The following CNTNAP2 variants were observed in gnomAD, a reference collection of about 807,000 sequenced individuals.
The protein encoded by CNTNAP2 is contactin associated protein 2.
In CNTNAP2, 98 loss-of-function variants were observed where a neutral mutation model predicts 155.2. The observed-to-expected ratio is 0.63, with a 90% CI of 0.54 to 0.75. The LOEUF (loss-of-function observed/expected upper bound fraction) is 0.75. CNTNAP2 is among the 30% of genes least tolerant of loss of function. CNTNAP2 has a pLI of 0.00. For missense variants in CNTNAP2, 1,727 were observed against 1,688.1 expected (o/e 1.02, Z -0.40); for synonymous variants, 651 against 631.2 (o/e 1.03, Z -0.47).
At chr7:148,175,234 T>C (rs1017454252) in intron 18 of CNTNAP2, among the ~76,000 whole-genome samples, 1 of 152,172 alleles carries the variant, frequency 6.6e-6, no homozygotes, top group African/African-American at 2.4e-5. Context: ...ATGTTTCTTA[T>C]TTTGTTTTTG....
At chr7:147,109,306 A>T (rs2129279801) in intron 5 of CNTNAP2, among the ~76,000 whole-genome samples, 1 of 152,270 alleles carries the variant, frequency 6.6e-6, no homozygotes, top group South Asian at 2.1e-4. Flanking sequence ...GATGGGTTGG[A>T]TATAGCCTAA....
At chr7:146,529,355 A>T (rs550415170) in intron 1 of CNTNAP2, among the ~76,000 whole-genome samples, 2 of 152,188 alleles carry the variant, frequency 1.3e-5, no homozygotes, top group South Asian at 4.1e-4. Context: ...AATGGTCAGT[A>T]TATAACTTCA....
At chr7:146,771,766 T>C (rs563188091) in intron 1 of CNTNAP2, among the ~76,000 whole-genome samples, 12 of 152,306 alleles carry the variant, frequency 7.9e-5, no homozygotes, top group Middle Eastern at 3.4e-3. Flanking sequence ...TCCAGTATCA[T>C]TGGGGACTTA....
intron 3 of CNTNAP2, among the ~76,000 whole-genome samples, chr7:146,869,775 C>A (rs1795270385): frequency 6.6e-6 from 1 of 152,098 alleles, no homozygotes; most frequent in South Asian, 2.1e-4. Context: ...AGCAAGTCAG[C>A]TTCTTCCACC....
At chr7:147,359,062 T>G (rs1356590758) in intron 9 of CNTNAP2, among the ~76,000 whole-genome samples, 1 of 152,184 alleles carries the variant, frequency 6.6e-6, no homozygotes, top group East Asian at 1.9e-4. Flanking sequence ...TAGAAACCTA[T>G]GCTTTAGTTA....
chr7:148,046,709 G>C (rs958376958), intron 15 of CNTNAP2, among the ~76,000 whole-genome samples: 5 of 152,150 alleles, frequency 3.3e-5, no homozygotes, highest in African/African-American at 1.2e-4. Flanking sequence ...GCTTCAACAT[G>C]AATGCATTTA....
At chr7:147,490,887 G>A (rs1798597146) in intron 11 of CNTNAP2, among the ~76,000 whole-genome samples, 1 of 152,134 alleles carries the variant, frequency 6.6e-6, no homozygotes, top group Non-Finnish European at 1.5e-5. Flanking sequence ...GGTGGCAGGA[G>A]AGAGAATTGC....
At chr7:147,285,599 A>G (rs1467997057) in intron 8 of CNTNAP2, among the ~76,000 whole-genome samples, 1 of 152,018 alleles carries the variant, frequency 6.6e-6, no homozygotes, top group Non-Finnish European at 1.5e-5. Context: ...CTTTTTAAAA[A>G]TACTTTTTGC....
At chr7:146,389,360 T>G (rs549686310) in intron 1 of CNTNAP2, among the ~76,000 whole-genome samples, 6 of 152,188 alleles carry the variant, frequency 3.9e-5, no homozygotes, top group Admixed American at 1.3e-4. Context: ...TCTGGAAAAT[T>G]TTATTAATTT....
At chr7:146,564,548 G>T (rs1798328185) in intron 1 of CNTNAP2, among the ~76,000 whole-genome samples, 1 of 147,990 alleles carries the variant, frequency 6.8e-6, no homozygotes, top group African/African-American at 2.5e-5. Context: ...AATGTAGTTT[G>T]CAAATAAATA....
intron 8 of CNTNAP2, among the ~76,000 whole-genome samples, chr7:147,297,716 A>G (rs1794859614): frequency 6.6e-6 from 1 of 152,204 alleles, no homozygotes; most frequent in African/African-American, 2.4e-5. Context: ...TCTCAGTTAT[A>G]CATTTATAAA....
chr7:146,950,981 C>A (rs1173111056), intron 3 of CNTNAP2, among the ~76,000 whole-genome samples: 1 of 152,138 alleles, frequency 6.6e-6, no homozygotes, highest in East Asian at 1.9e-4. Flanking sequence ...TTAATAATCA[C>A]CTTTCTAACT....
At chr7:148,174,482 T>G (rs1165693838) in intron 18 of CNTNAP2, among the ~76,000 whole-genome samples, 4 of 152,236 alleles carry the variant, frequency 2.6e-5, no homozygotes, top group African/African-American at 4.8e-5. Flanking sequence ...GCTTTGGCAT[T>G]GGCCGAAGAA....
At position 146,605,278 on chromosome 7, in the gene CNTNAP2, C is replaced by A. The variant is rs548389597; in HGVS notation, c.98-168993C>A. Among the ~76,000 whole-genome samples the A allele has an allele frequency of 1.3e-5, 2 of 151,078 alleles. 1 individual carries two copies. Among genetic ancestry groups the A allele is most frequent in the South Asian group, 4.2e-4 (2 of 4,756 alleles). ...CATTTTGTGTATTATTGTACTTGTT[C>A]CATATCTCATATTATCAGATGATTG... On this transcript the variant is annotated intron_variant, in intron 1 of 23. Coordinates refer to ENST00000361727, the MANE Select transcript of CNTNAP2 (RefSeq NM_014141.6).
chr7:146,641,481 G>A (rs1799707128), intron 1 of CNTNAP2, among the ~76,000 whole-genome samples: 1 of 152,142 alleles, frequency 6.6e-6, no homozygotes, highest in South Asian at 2.1e-4. Flanking sequence ...AGAAGTAGCT[G>A]GACAGTTAAT....
chr7:147,276,840 A>C (rs941254411), intron 8 of CNTNAP2, among the ~76,000 whole-genome samples: 2 of 151,888 alleles, frequency 1.3e-5, no homozygotes, highest in African/African-American at 4.8e-5. Context: ...CAAAAAAAAA[A>C]CTGCAAATGA....
chr7:148,118,644 C>T (rs777668023), intron 16 of CNTNAP2, among the ~76,000 whole-genome samples: 5 of 151,996 alleles, frequency 3.3e-5, no homozygotes, highest in Non-Finnish European at 7.4e-5. Context: ...GTGCATTGAC[C>T]CGAGGAGCAG....
At chr7:148,204,097 C>A (rs1473812039) in intron 18 of CNTNAP2, among the ~76,000 whole-genome samples, 1 of 152,162 alleles carries the variant, frequency 6.6e-6, no homozygotes, top group Non-Finnish European at 1.5e-5. Context: ...GTATTTGCGC[C>A]CCATTCAAGG....
At chr7:147,087,216 C>T (rs1057195238) in intron 4 of CNTNAP2, among the ~76,000 whole-genome samples, 7 of 152,056 alleles carry the variant, frequency 4.6e-5, no homozygotes, top group South Asian at 2.1e-4. Context: ...GTCTTAGAAA[C>T]GTTAAGTATC....
Sources: gnomAD v4.1 joint callset for allele counts (sites outside exome capture counted in the v4.1 genomes callset) on GRCh38, gnomAD v4.1.1 for gene constraint, MANE v1.5 for transcripts, NCBI Gene and HGNC (gene_info 2026-07-23, HGNC 2026-07-21) for gene names.